Variants in TRAF3 observed in about 807,000 individuals in gnomAD.
The protein encoded by TRAF3 is TNF receptor associated factor 3, also known as TNF receptor-associated factor 3.
A neutral mutation model predicts 62.3 loss-of-function variants in TRAF3; 13 were observed. The ratio of observed to expected loss-of-function variants is 0.21; its 90% CI spans 0.14 to 0.33. The LOEUF (loss-of-function observed/expected upper bound fraction) is 0.33. TRAF3 is among the 10% of genes least tolerant of loss of function. TRAF3 has a pLI of 1.00. For synonymous variants in TRAF3, 269 were observed against 283.4 expected (o/e 0.95, Z 0.51); for missense variants, 440 against 741.8 (o/e 0.59, Z 4.73).
chr14:102,895,952 TG>T (rs1327159320), intron 9 of TRAF3, among the ~76,000 whole-genome samples: 1 of 152,058 alleles, frequency 6.6e-6, no homozygotes, highest in Non-Finnish European at 1.5e-5. Flanking sequence ...GTAGCACCCA[TG>T]TAATTTTTTG....
At chr14:102,897,634 C>T (rs965978103) in intron 10 of TRAF3, among the ~76,000 whole-genome samples, 1 of 152,146 alleles carries the variant, frequency 6.6e-6, no homozygotes, top group African/African-American at 2.4e-5. Flanking sequence ...GAGAGCAAGC[C>T]TCCACCCCTC....
At chr14:102,801,626 C>T (rs1327739086) in intron 1 of TRAF3, among the ~76,000 whole-genome samples, 2 of 152,066 alleles carry the variant, frequency 1.3e-5, no homozygotes, top group Non-Finnish European at 2.9e-5. Context: ...CCTCGATTTC[C>T]TGGGTTCAAG....
At chr14:102,872,523 C>T (rs1303835666) in intron 4 of TRAF3, among the ~76,000 whole-genome samples, 4 of 152,208 alleles carry the variant, frequency 2.6e-5, no homozygotes, top group Admixed American at 1.3e-4. Context: ...AGCCCGTGGG[C>T]GTCTCTGCAC....
At chr14:102,886,097 G>A in intron 6 of TRAF3, 92 bp from the exon 7 acceptor site, 1 of 1,155,110 alleles carries the variant, frequency 8.7e-7, no homozygotes. Context: ...ATGGTGAGCA[G>A]AGCCATTCCT....
At chr14:102,889,142 G>A (rs1441086584) in intron 7 of TRAF3, among the ~76,000 whole-genome samples, 1 of 152,182 alleles carries the variant, frequency 6.6e-6, no homozygotes, top group Non-Finnish European at 1.5e-5. Flanking sequence ...ATTTATTTTT[G>A]TGTACCGTAT....
chr14:102,782,379 G>A (rs1003264547), intron 1 of TRAF3, among the ~76,000 whole-genome samples: 2 of 151,862 alleles, frequency 1.3e-5, no homozygotes, highest in Admixed American at 1.3e-4. Context: ...GACTACAGGT[G>A]CTTGCCCCCA....
At chr14:102,838,151 C>T (rs1886141851) in intron 2 of TRAF3, among the ~76,000 whole-genome samples, 1 of 152,214 alleles carries the variant, frequency 6.6e-6, no homozygotes, top group South Asian at 2.1e-4. Flanking sequence ...CTAGTTTCCT[C>T]ATCTCTATAA....
At chr14:102,867,537 G>A (rs1017037248) in intron 2 of TRAF3, among the ~76,000 whole-genome samples, 4 of 152,130 alleles carry the variant, frequency 2.6e-5, no homozygotes, top group African/African-American at 9.7e-5. Flanking sequence ...GGAGAAGGTC[G>A]GGGGCTGGAC....
At chr14:102,837,361 ACTC>A (rs1886089124) in intron 2 of TRAF3, among the ~76,000 whole-genome samples, 1 of 151,172 alleles carries the variant, frequency 6.6e-6, no homozygotes, top group Admixed American at 6.6e-5. Context: ...CTGGTCTTGA[ACTC>A]CTGGCCTCAA....
chr14:102,816,103 C>T (rs1899500901), intron 1 of TRAF3, among the ~76,000 whole-genome samples: 2 of 151,032 alleles, frequency 1.3e-5, no homozygotes, highest in African/African-American at 2.5e-5. Flanking sequence ...ACTCTAAATT[C>T]TATTTTTTTT....
intron 2 of TRAF3, among the ~76,000 whole-genome samples, chr14:102,843,842 A>G (rs1886530021): frequency 6.6e-6 from 1 of 152,230 alleles, no homozygotes. Flanking sequence ...AAAATTGACA[A>G]AGCTCCAGTG....
At chr14:102,822,323 C>T (rs1307397751) in intron 1 of TRAF3, among the ~76,000 whole-genome samples, 3 of 152,118 alleles carry the variant, frequency 2.0e-5, no homozygotes, top group East Asian at 3.9e-4. Flanking sequence ...CTGAAGCTGT[C>T]CCTGTCAGGT....
intron 8 of TRAF3, among the ~76,000 whole-genome samples, chr14:102,890,590 GTA>G (rs1301469553): frequency 2.6e-5 from 4 of 152,140 alleles, no homozygotes; most frequent in African/African-American, 4.8e-5. Flanking sequence ...TATGTACAGA[GTA>G]TATGTTTTGG....
rs369448579 is a variant in TRAF3, at chr14:102,854,566, A to T, written c.-17-15619A>T. Among the ~76,000 whole-genome samples the T allele has an allele frequency of 6.6e-5, 10 of 152,218 alleles. No homozygotes were observed. In the East Asian group the frequency reaches 1.5e-3, roughly 24 times the overall value. The stretch of plus-strand genomic sequence containing the variant: ...CCCAGGCTGCAGTGCAGTAGTGCAA[A>T]CATGGCTCACTGCAGCCTCACCTCC... On this transcript the variant is annotated intron_variant, in intron 2 of 11. Coordinates refer to ENST00000392745, the MANE Select transcript of TRAF3 (RefSeq NM_145725.3).
intron 2 of TRAF3, among the ~76,000 whole-genome samples, chr14:102,836,814 GAAGT>G (rs1886037377): frequency 6.6e-6 from 1 of 152,210 alleles, no homozygotes; most frequent in Non-Finnish European, 1.5e-5. Flanking sequence ...TTTTAGGAAT[GAAGT>G]AAGTATGCAG....
chr14:102,809,805 C>T (rs1566748557), intron 1 of TRAF3, among the ~76,000 whole-genome samples: 1 of 152,076 alleles, frequency 6.6e-6, no homozygotes, highest in East Asian at 1.9e-4. Context: ...GCTGGGATTA[C>T]AGGCATGAGC....
In TRAF3 at chr14:102,878,412, G is replaced by A. The variant is rs1326871768; in HGVS notation, c.570+1887G>A. Among the ~76,000 whole-genome samples the A allele has an allele frequency of 2.0e-5, 3 of 151,186 alleles. No individual in the cohort carries two copies. The East Asian group carries it at 5.8e-4, about 29-fold the overall frequency. ...AATGTGGGTGAGTGTGTGGGGGTGTGTGAATGTGGGTGTGTGTGTATGGGT... is the reference window on the plus strand; with the variant it reads ...AATGTGGGTGAGTGTGTGGGGGTGTATGAATGTGGGTGTGTGTGTATGGGT... On this transcript the variant is annotated intron_variant, in intron 6 of 11. Coordinates refer to ENST00000392745, the MANE Select transcript of TRAF3 (RefSeq NM_145725.3).
At chr14:102,885,122 G>T (rs897274470) in intron 6 of TRAF3, among the ~76,000 whole-genome samples, 7 of 152,200 alleles carry the variant, frequency 4.6e-5, no homozygotes, top group African/African-American at 1.7e-4. Context: ...CACTGTGGGT[G>T]CCTGCAGAGT....
intron 1 of TRAF3, among the ~76,000 whole-genome samples, chr14:102,819,924 A>G (rs760168579): frequency 6.6e-6 from 1 of 152,248 alleles, no homozygotes; most frequent in Non-Finnish European, 1.5e-5. Flanking sequence ...TGGATTTTCA[A>G]ATTGCAGAGA....
Sources: gnomAD v4.1 joint callset for allele counts (sites outside exome capture counted in the v4.1 genomes callset) on GRCh38, gnomAD v4.1.1 for gene constraint, MANE v1.5 for transcripts, NCBI Gene and HGNC (gene_info 2026-07-23, HGNC 2026-07-21) for gene names.